TRMT11: variants seen among roughly 807,000 people sequenced by gnomAD.
TRMT11 encodes tRNA (guanine(10)-N(2))-methyltransferase TRMT11.
A neutral mutation model predicts 62.8 loss-of-function variants in TRMT11; 53 were observed. The ratio of observed to expected loss-of-function variants is 0.84; its 90% CI spans 0.68 to 1.06. TRMT11 has a LOEUF of 1.06. Ranked by LOEUF, TRMT11 falls within the 50% of genes least tolerant of loss-of-function variation. TRMT11 has a pLI of 0.00. For synonymous variants in TRMT11, 188 were observed against 190.3 expected (o/e 0.99, Z 0.10); for missense variants, 556 against 553.4 (o/e 1.00, Z -0.05).
intron 21 of TRMT11, among the ~76,000 whole-genome samples, chr6:126,155,884 G>A (rs1350024609): frequency 6.6e-6 from 1 of 151,930 alleles, no homozygotes; most frequent in Middle Eastern, 3.4e-3. Flanking sequence ...CCATGCCCGG[G>A]TAATTTTTTT....
intron 1 of TRMT11, among the ~76,000 whole-genome samples, chr6:126,196,070 C>G (rs976884065): frequency 6.6e-6 from 1 of 152,140 alleles, no homozygotes; most frequent in Admixed American, 6.5e-5. Flanking sequence ...CTGTTTATCT[C>G]TGCTCATATG....
chr6:126,183,671 C>T (rs1462657019), intron 1 of TRMT11, among the ~76,000 whole-genome samples: 1 of 152,148 alleles, frequency 6.6e-6, no homozygotes, highest in Non-Finnish European at 1.5e-5. Flanking sequence ...ATCTGCAGAG[C>T]ACCTGCTCTG....
At chr6:126,055,015 A>G (rs771607530) in intron 17 of TRMT11, among the ~76,000 whole-genome samples, 8 of 152,294 alleles carry the variant, frequency 5.3e-5, no homozygotes, top group Non-Finnish European at 1.0e-4. Flanking sequence ...CCCAGGTTGT[A>G]GTGTAGTGGT....
chr6:126,100,913 A>G (rs1205839725), intron 17 of TRMT11, among the ~76,000 whole-genome samples: 1 of 152,186 alleles, frequency 6.6e-6, no homozygotes, highest in African/African-American at 2.4e-5. Context: ...GTGACAGATC[A>G]TCAGGCATTT....
chr6:126,236,305 C>T, the TRMT11 span, among the ~76,000 whole-genome samples: 1 of 152,162 alleles, frequency 6.6e-6, no homozygotes, highest in Non-Finnish European at 1.5e-5. Flanking sequence ...AATATGATTT[C>T]ACACTCTGTA....
chr6:125,997,902 C>A, intron 3 of TRMT11, 151 bp from the exon 4 acceptor site: 1 of 559,796 alleles, frequency 1.8e-6, no homozygotes. Flanking sequence ...AGCTTTTTAC[C>A]CATTTATCTA....
chr6:126,071,477 G>A (rs1776854401), intron 17 of TRMT11, among the ~76,000 whole-genome samples: 1 of 151,834 alleles, frequency 6.6e-6, no homozygotes, highest in Non-Finnish European at 1.5e-5. Flanking sequence ...CTCAATCAGA[G>A]AAAAGCAAAG....
At chr6:126,001,263 A>G (rs1792431117) in intron 7 of TRMT11, among the ~76,000 whole-genome samples, 1 of 152,050 alleles carries the variant, frequency 6.6e-6, no homozygotes, top group Admixed American at 6.6e-5. Flanking sequence ...ATCAGGTATT[A>G]TATTTTGTTG....
chr6:126,174,413 C>T (rs575673188), upstream of TRMT11, among the ~76,000 whole-genome samples: 1 of 152,302 alleles, frequency 6.6e-6, no homozygotes, highest in African/African-American at 2.4e-5. Context: ...GCTGGGCTAC[C>T]ATGCCCTTCA....
intron 11 of TRMT11, among the ~76,000 whole-genome samples, chr6:126,018,727 G>A: frequency 6.6e-6 from 1 of 151,882 alleles, no homozygotes; most frequent in Non-Finnish European, 1.5e-5. Context: ...GGATTGTAGG[G>A]GGATATTAAT....
intron 1 of TRMT11, among the ~76,000 whole-genome samples, chr6:126,188,902 G>A (rs746460502): frequency 1.6e-4 from 25 of 152,054 alleles, no homozygotes; most frequent in Admixed American, 1.0e-3. Context: ...AATACATATA[G>A]CTATTATATT....
At chr6:126,250,568 G>A in the TRMT11 span, among the ~76,000 whole-genome samples, 1 of 152,038 alleles carries the variant, frequency 6.6e-6, no homozygotes, top group African/African-American at 2.4e-5. Flanking sequence ...TTTTCATTTT[G>A]GATGAGGCAA....
chr6:126,131,573 G>A (rs1777783904), intron 21 of TRMT11, among the ~76,000 whole-genome samples: 1 of 151,928 alleles, frequency 6.6e-6, no homozygotes, highest in Admixed American at 6.6e-5. Flanking sequence ...CCCTCCTGGA[G>A]ACAAATCCCC....
chr6:126,213,548 T>C, the TRMT11 span, among the ~76,000 whole-genome samples: 16 of 152,110 alleles, frequency 1.1e-4, no homozygotes, highest in African/African-American at 3.9e-4. Context: ...TTTCAGATTG[T>C]TTGCTGTTGA....
At chr6:126,156,429 T>C (rs912135310) in intron 21 of TRMT11, among the ~76,000 whole-genome samples, 25 of 152,208 alleles carry the variant, frequency 1.6e-4, no homozygotes, top group Admixed American at 1.6e-3. Context: ...ATCCATCCTC[T>C]GGAATATAGG....
chr6:126,179,571 C>G (rs1778432507), intron 1 of TRMT11, among the ~76,000 whole-genome samples: 1 of 152,214 alleles, frequency 6.6e-6, no homozygotes, highest in Non-Finnish European at 1.5e-5. Flanking sequence ...ATTGTTTAAT[C>G]TTTCATTTCC....
intron 1 of TRMT11, among the ~76,000 whole-genome samples, chr6:125,993,048 G>A (rs1180725475): frequency 6.6e-6 from 1 of 152,142 alleles, no homozygotes; most frequent in Non-Finnish European, 1.5e-5. Flanking sequence ...AAAGGGGATA[G>A]TAGGTAGCCA....
At chr6:126,170,479 A>G (rs1227668380) in intron 21 of TRMT11, among the ~76,000 whole-genome samples, 1 of 152,124 alleles carries the variant, frequency 6.6e-6, no homozygotes, top group Non-Finnish European at 1.5e-5. Context: ...AGAGGTCATT[A>G]TGTTCAGTTC....
At chr6:126,218,761 C>A in the TRMT11 span, among the ~76,000 whole-genome samples, 1 of 152,224 alleles carries the variant, frequency 6.6e-6, no homozygotes, top group Non-Finnish European at 1.5e-5. Flanking sequence ...CTGAGCCCAG[C>A]ACAGCACCAT....
Sources: gnomAD v4.1 joint callset for allele counts (sites outside exome capture counted in the v4.1 genomes callset) on GRCh38, gnomAD v4.1.1 for gene constraint, MANE v1.5 for transcripts, NCBI Gene and HGNC (gene_info 2026-07-23, HGNC 2026-07-21) for gene names.